ACTR8: variants seen among roughly 807,000 people sequenced by gnomAD.
ACTR8 encodes the protein actin-related protein 8.
In ACTR8, 70 loss-of-function variants were observed where a neutral mutation model predicts 84.3. The ratio of observed to expected loss-of-function variants is 0.83; its 90% CI spans 0.68 to 1.01. The LOEUF is 1.01. Ranked by LOEUF, ACTR8 falls within the 50% of genes least tolerant of loss-of-function variation. The probability of loss-of-function intolerance (pLI) is 0.00; values close to 1 mark genes in which losing one functional copy is unlikely to be tolerated. For synonymous variants in ACTR8, 268 were observed against 275.2 expected, an observed-to-expected ratio of 0.97 and a Z score of 0.26; for missense variants, 672 against 775.4, an observed-to-expected ratio of 0.87 and a Z score of 1.58.
intron 2 of ACTR8, 21 bp downstream of exon 2, chr3:53,879,918 T>C (rs2107076173): frequency 2.5e-6 from 4 of 1,595,564 alleles, no homozygotes. Context: ...AGGCTTTCTC[T>C]CCAGGTCGTT....
At chr3:53,861,474 C>A in the ACTR8 span, 1 of 152,154 alleles carries the variant, frequency 6.6e-6, no homozygotes. Flanking sequence ...ACATGAAAAC[C>A]TTGCACATTT....
At position 53,870,234 on chromosome 3, in the gene ACTR8, C is replaced by G. The variant is rs542328719; in HGVS notation, c.1568-89G>C. 1.0e-5 allele frequency: 15 copies of G among 1,442,080 alleles called. No individual in the cohort carries two copies. The African/African-American group carries it at 2.0e-4, about 19-fold the overall frequency. The allele number at this position is 1,442,080 out of a possible 1,614,324, so 89.3% of individuals were successfully genotyped here. ...CCAACACCTCTTGCTTGAGCAAGTG[C>G]AATAGCCTTCTCAAAGATTTCCCTC... On this transcript the variant is annotated intron_variant, in intron 11 of 12. Coordinates refer to ENST00000335754, the MANE Select transcript of ACTR8 (RefSeq NM_022899.5). The surrounding 1 kb of genome is among the most constrained non-coding windows in gnomAD (Gnocchi z 4.1).
intron 1 of ACTR8, chr3:53,881,766 G>T (rs1050111050): frequency 9.8e-6 from 7 of 712,716 alleles, no homozygotes; most frequent in Admixed American, 8.7e-5. Context: ...GTGTCCCTGC[G>T]GGGGCTCCGC....
At chr3:53,881,598 G>C (rs1477255532) in intron 1 of ACTR8, 1 of 328,372 alleles carries the variant, frequency 3.0e-6, no homozygotes. Context: ...CAGTGAGCCA[G>C]CCTGGTCCTA....
At position 53,877,364 on chromosome 3, in the gene ACTR8, G is replaced by C. The variant is rs1047873667; in HGVS notation, c.534C>G (p.Asp178Glu). 1.2e-6 allele frequency: 2 copies of C among 1,610,176 alleles called. No individual in the cohort carries two copies. The highest frequency in any genetic ancestry group is 2.7e-5 in the African/African-American group (2 of 74,746). The change falls in exon 5 of 13, where the codon GAC becomes GAG. Residue 178 changes from aspartate to glutamate, a missense_variant. Coordinates refer to ENST00000335754, the MANE Select transcript of ACTR8 (RefSeq NM_022899.5). ...GEEALYVNPL[D>E]CYNIHWPIRR... is the part of the protein sequence containing the mutation. ...TGATAGGCCAGTGAATATTGTAACA[G>C]TCCAGTGGATTAACATACAAGGCCT...
chr3:53,874,678 G>A (rs35222185), intron 7 of ACTR8, among the ~76,000 whole-genome samples: 5,347 of 151,756 alleles, frequency 0.035, 138 homozygotes, highest in South Asian at 0.069. Context: ...GAGCCAAGAG[G>A]TCACGCCACT....
chr3:53,875,286 A>C (rs1699948634), intron 7 of ACTR8, among the ~76,000 whole-genome samples: 1 of 152,172 alleles, frequency 6.6e-6, no homozygotes, highest in South Asian at 2.1e-4. Flanking sequence ...CCCTCTTTTA[A>C]AGACTCAAAC....
At chr3:53,877,026 G>GA (rs1699984724) in intron 5 of ACTR8, among the ~76,000 whole-genome samples, 188 bp downstream of exon 5, 1 of 151,542 alleles carries the variant, frequency 6.6e-6, no homozygotes, top group African/African-American at 2.4e-5. Flanking sequence ...AAGAAACAGA[G>GA]AAAGAAAAAA....
intron 1 of ACTR8, among the ~76,000 whole-genome samples, chr3:53,881,413 T>C (rs565108142): frequency 1.3e-5 from 2 of 152,368 alleles, no homozygotes; most frequent in Admixed American, 6.5e-5. Flanking sequence ...CTGGTTAGTT[T>C]AGTTTGGTCT....
chr3:53,868,693 C>T lies in ACTR8; in HGVS notation c.*26G>A, dbSNP rs764058239. The T allele has an allele frequency of 3.1e-6, 5 of 1,610,222 alleles. No homozygotes were observed. Among genetic ancestry groups the T allele is most frequent in the Middle Eastern group, 1.7e-4 (1 of 6,040 alleles). On this transcript the variant is annotated 3_prime_UTR_variant, in exon 13 of 13. Coordinates refer to ENST00000335754, the MANE Select transcript of ACTR8 (RefSeq NM_022899.5). ...TTATACCAAGAAGCTTGTTTTTGGT[C>T]TTCGGCAGTGACATTTCCTCCCCAT...
intron 2 of ACTR8, among the ~76,000 whole-genome samples, chr3:53,878,963 TTCA>T (rs1470559044): frequency 6.6e-6 from 1 of 152,240 alleles, no homozygotes; most frequent in African/African-American, 2.4e-5. Context: ...GCATACCTAC[TTCA>T]TGTTTAAAAA....
intron 9 of ACTR8, 60 bp from the exon 10 acceptor site, chr3:53,872,584 C>T: frequency 6.7e-7 from 1 of 1,489,240 alleles, no homozygotes. Context: ...AAAACTGATC[C>T]ACTAAATTCT....
At chr3:53,868,963 C>G in intron 12 of ACTR8, 101 bp from the exon 13 acceptor site, 2 of 1,446,520 alleles carry the variant, frequency 1.4e-6, no homozygotes, top group South Asian at 2.8e-5. Context: ...GAGTCAATAC[C>G]TAGTAAGCCA....
Position 53,867,889 on chromosome 3 carries a change from T to C in ACTR8, c.*830A>G, listed in dbSNP as rs182571349. The stretch of plus-strand genomic sequence containing the variant: ...ACTTAATCCTTCAGGTAAAGGAAAA[T>C]TGAGGCTTGATGACTAAGTTGGTAG... On this transcript the variant is annotated 3_prime_UTR_variant, in exon 13 of 13. Coordinates refer to ENST00000335754, the MANE Select transcript of ACTR8 (RefSeq NM_022899.5). 3.9e-5 allele frequency: 6 copies of C among 152,272 alleles called. No homozygotes were observed. In the East Asian group the frequency reaches 7.7e-4, roughly 20 times the overall value. 9.4% of individuals were successfully genotyped at this position (152,272 alleles called of 1,614,324 possible). A position where few individuals can be genotyped will look rare whatever the true frequency, so the allele number is the denominator to read the frequency against.
downstream of ACTR8, among the ~76,000 whole-genome samples, chr3:53,866,449 T>C (rs575986765): frequency 4.2e-4 from 64 of 152,210 alleles, no homozygotes; most frequent in African/African-American, 1.5e-3. Context: ...TCTTCCAACT[T>C]TTTACTCTTC....
At chr3:53,874,124 A>G in intron 8 of ACTR8, 87 bp downstream of exon 8, 1 of 1,411,478 alleles carries the variant, frequency 7.1e-7, no homozygotes, top group Non-Finnish European at 9.5e-7. Context: ...GTGCCCAGCC[A>G]ATGCTGTTAC....
intron 5 of ACTR8, 133 bp downstream of exon 5, chr3:53,877,081 C>T: frequency 1.3e-6 from 1 of 780,224 alleles, no homozygotes; most frequent in Non-Finnish European, 1.8e-6. Context: ...CATCCTCATG[C>T]CACCAAGAAT....
At chr3:53,877,130 T>C in intron 5 of ACTR8, 84 bp downstream of exon 5, 1 of 1,355,034 alleles carries the variant, frequency 7.4e-7, no homozygotes, top group South Asian at 1.5e-5. Context: ...AGAAGGACAC[T>C]ATATTACAAA....
intron 12 of ACTR8, among the ~76,000 whole-genome samples, 195 bp from the exon 13 acceptor site, chr3:53,869,057 A>C (rs1408915100): frequency 1.3e-5 from 2 of 152,234 alleles, no homozygotes; most frequent in Non-Finnish European, 2.9e-5. Context: ...CGAGGCGGGC[A>C]GATCACGAGA....
Sources: allele counts gnomAD v4.1 joint callset (sites outside exome capture counted in the v4.1 genomes callset), GRCh38; gene constraint gnomAD v4.1.1; non-coding constraint Gnocchi (gnomAD v3.1); transcripts MANE v1.5; gene names NCBI Gene and HGNC (gene_info 2026-07-23, HGNC 2026-07-21).